The following EBF1 variants were observed in gnomAD, a reference collection of about 807,000 sequenced individuals.
EBF1 encodes the protein transcription factor COE1.
In EBF1, 10 loss-of-function variants were observed where a neutral mutation model predicts 68.4. The observed-to-expected ratio is 0.15, with a 90% CI of 0.09 to 0.25. The LOEUF is 0.25. EBF1 is among the 10% of genes least tolerant of loss of function. The probability of loss-of-function intolerance (pLI) is 1.00; values close to 1 mark genes in which losing one functional copy is unlikely to be tolerated. For missense variants in EBF1, 509 were observed against 794.4 expected (o/e 0.64, Z 4.32); for synonymous variants, 298 against 299.8 (o/e 0.99, Z 0.06).
At chr5:158,829,525 A>T (rs1187039574) in intron 7 of EBF1, among the ~76,000 whole-genome samples, 2 of 151,906 alleles carry the variant, frequency 1.3e-5, no homozygotes, top group Admixed American at 1.3e-4. Context: ...ATATTGGCAC[A>T]TCAATTGTAA....
At chr5:159,006,281 C>T (rs773143077) in intron 6 of EBF1, among the ~76,000 whole-genome samples, 1 of 152,108 alleles carries the variant, frequency 6.6e-6, no homozygotes, top group African/African-American at 2.4e-5. Context: ...CTTTGGGGAG[C>T]TGGGTGATAT....
intron 7 of EBF1, among the ~76,000 whole-genome samples, chr5:158,824,704 C>T (rs1043713586): frequency 6.6e-6 from 1 of 152,244 alleles, no homozygotes; most frequent in Non-Finnish European, 1.5e-5. Context: ...GTGTAACACT[C>T]TTTCATCAGC....
rs182636987 is a variant in EBF1 at position 158,918,658 on chromosome 5, C to A, written c.555-78548G>T. 3.9e-3 allele frequency among the ~76,000 whole-genome samples: 590 copies of A among 152,284 alleles called. 2 individuals are homozygous for A. Among genetic ancestry groups the A allele is most frequent in the African/African-American group, 0.013 (531 of 41,542 alleles). ...TTATCTGAGGGCTCATGTAACTAAA[C>A]CCACCTCTCACCCATCTCTCTCCAC... On this transcript the variant is annotated intron_variant, in intron 6 of 15. Coordinates refer to ENST00000313708, the MANE Select transcript of EBF1 (RefSeq NM_024007.5).
intron 6 of EBF1, among the ~76,000 whole-genome samples, chr5:158,857,361 C>A (rs146669388): frequency 1.3e-5 from 2 of 152,148 alleles, no homozygotes; most frequent in East Asian, 3.9e-4. Context: ...TGTGCTTCTG[C>A]TACAATTATT....
At chr5:158,802,018 G>C (rs970150027) in intron 8 of EBF1, among the ~76,000 whole-genome samples, 28 of 152,152 alleles carry the variant, frequency 1.8e-4, no homozygotes, top group African/African-American at 5.1e-4. Context: ...GGCCAGGAGA[G>C]CCATGTTTAC....
intron 6 of EBF1, among the ~76,000 whole-genome samples, chr5:158,906,655 A>G (rs549440955): frequency 1.4e-3 from 207 of 152,344 alleles, no homozygotes; most frequent in Admixed American, 2.5e-3. Flanking sequence ...CATTTTACAC[A>G]TGATGATAAT....
chr5:159,013,166 C>T (rs1434338365), intron 6 of EBF1, among the ~76,000 whole-genome samples: 3 of 152,180 alleles, frequency 2.0e-5, no homozygotes, highest in Admixed American at 6.5e-5. Flanking sequence ...CCTTTTTGAG[C>T]AGCCCTTCTA....
At chr5:158,866,859 A>ATGTATATG (rs55650287) in intron 6 of EBF1, among the ~76,000 whole-genome samples, 1 of 24,948 alleles carries the variant, frequency 4.0e-5, no homozygotes, top group African/African-American at 1.1e-4. Context: ...ATATATATAT[A>ATGTATATG]TATATATATA....
At chr5:158,932,189 T>C (rs1442140762) in intron 6 of EBF1, among the ~76,000 whole-genome samples, 1 of 152,172 alleles carries the variant, frequency 6.6e-6, no homozygotes, top group Non-Finnish European at 1.5e-5. Context: ...CATAAGGAAA[T>C]CAGGGATGCT....
At chr5:158,913,374 C>T (rs1043721483) in intron 6 of EBF1, among the ~76,000 whole-genome samples, 3 of 152,170 alleles carry the variant, frequency 2.0e-5, no homozygotes, top group African/African-American at 4.8e-5. Context: ...GAGGAAAAGA[C>T]GTTCCACAGG....
At chr5:158,767,232 G>T (rs1006043724) in intron 10 of EBF1, among the ~76,000 whole-genome samples, 12 of 151,946 alleles carry the variant, frequency 7.9e-5, no homozygotes, top group Non-Finnish European at 1.6e-4. Flanking sequence ...TATCCCTGAG[G>T]GATGAAATAA....
intron 6 of EBF1, among the ~76,000 whole-genome samples, chr5:159,052,142 T>A: frequency 6.6e-6 from 1 of 151,954 alleles, no homozygotes; most frequent in East Asian, 1.9e-4. Flanking sequence ...AAAGGTGCAA[T>A]AGGAACTAAA....
At chr5:158,786,353 A>G (rs1777445469) in intron 9 of EBF1, among the ~76,000 whole-genome samples, 1 of 152,182 alleles carries the variant, frequency 6.6e-6, no homozygotes, top group Non-Finnish European at 1.5e-5. Flanking sequence ...AAAAGACTGA[A>G]GTAAATACAT....
At chr5:158,732,709 A>G (rs1002544660) in intron 10 of EBF1, among the ~76,000 whole-genome samples, 3 of 152,216 alleles carry the variant, frequency 2.0e-5, no homozygotes, top group Non-Finnish European at 4.4e-5. Flanking sequence ...CAGAGTAAGT[A>G]CTTTTTCTTC....
intron 6 of EBF1, among the ~76,000 whole-genome samples, chr5:159,035,489 A>G (rs998649119): frequency 6.6e-6 from 1 of 152,150 alleles, no homozygotes; most frequent in African/African-American, 2.4e-5. Context: ...AGGATCTTGG[A>G]CCATATTTGA....
chr5:159,077,900 G>A lies in EBF1; in HGVS notation c.486-4436C>T, dbSNP rs112902755. On this transcript the variant is annotated intron_variant, in intron 5 of 15. Transcript: ENST00000313708. Reference sequence around the variant, plus strand: ...ACTACAGGCAGATGCCAACACGCCCGGCTAATTTTGTGTATTTTTTGTGGA... The same window carrying A: ...ACTACAGGCAGATGCCAACACGCCCAGCTAATTTTGTGTATTTTTTGTGGA... Among the ~76,000 whole-genome samples, 8 of 151,530 alleles carry A rather than the reference G, an allele frequency of 5.3e-5. No individual in the cohort carries two copies. The South Asian group carries it at 1.5e-3, about 28-fold the overall frequency.
At chr5:159,028,064 T>C (rs1768044586) in intron 6 of EBF1, among the ~76,000 whole-genome samples, 1 of 152,254 alleles carries the variant, frequency 6.6e-6, no homozygotes, top group Non-Finnish European at 1.5e-5. Flanking sequence ...AACTGCTTCC[T>C]ACTTTCTGAA....
At chr5:158,941,234 T>C (rs1389130335) in intron 6 of EBF1, 1 of 455,970 alleles carries the variant, frequency 2.2e-6, no homozygotes, top group East Asian at 7.0e-5. Flanking sequence ...GGAAGAATGA[T>C]AATGTGAGGG....
At chr5:158,962,085 C>T (rs1050168373) in intron 6 of EBF1, among the ~76,000 whole-genome samples, 1 of 152,178 alleles carries the variant, frequency 6.6e-6, no homozygotes, top group African/African-American at 2.4e-5. Flanking sequence ...GGACTGCTAT[C>T]GATGGCAGCA....
Sources: allele counts gnomAD v4.1 joint callset (sites outside exome capture counted in the v4.1 genomes callset), GRCh38; gene constraint gnomAD v4.1.1; transcripts MANE v1.5; gene names NCBI Gene and HGNC (gene_info 2026-07-23, HGNC 2026-07-21).